SENP6: variants seen among roughly 807,000 people sequenced by gnomAD.
SENP6 encodes sentrin-specific protease 6.
In SENP6, 41 loss-of-function variants were observed where a neutral mutation model predicts 134.5. The observed-to-expected ratio is 0.30, with a 90% CI of 0.24 to 0.40. The LOEUF (loss-of-function observed/expected upper bound fraction) is 0.40, where lower values mean the gene tolerates loss of function less well. Ranked by LOEUF, SENP6 falls within the 10% of genes least tolerant of loss-of-function variation. The pLI is 1.00. For synonymous variants in SENP6, 395 were observed against 429.8 expected (o/e 0.92, Z 1.00); for missense variants, 1,248 against 1,312.5 (o/e 0.95, Z 0.76).
At chr6:75,664,646 G>C (rs1328090788) in intron 9 of SENP6, among the ~76,000 whole-genome samples, 1 of 152,152 alleles carries the variant, frequency 6.6e-6, no homozygotes, top group African/African-American at 2.4e-5. Context: ...TGTTGAAAGA[G>C]AAACCATGCT....
intron 16 of SENP6, among the ~76,000 whole-genome samples, chr6:75,692,376 T>TA (rs1774338877): frequency 1.3e-5 from 2 of 151,968 alleles, no homozygotes; most frequent in South Asian, 4.2e-4. Flanking sequence ...TCCCAGTACT[T>TA]TGGGAGGCCG....
chr6:75,617,304 G>A (rs1474659270), intron 1 of SENP6, among the ~76,000 whole-genome samples: 10 of 83,078 alleles, frequency 1.2e-4, no homozygotes, highest in African/African-American at 4.3e-4. Context: ...ACGGAGTTTC[G>A]CTCTTGTTGC....
intron 7 of SENP6, among the ~76,000 whole-genome samples, chr6:75,649,552 C>G (rs1247892817): frequency 2.0e-5 from 3 of 152,140 alleles, no homozygotes; most frequent in Non-Finnish European, 4.4e-5. Context: ...GGGTCTCACT[C>G]TGTAGCCCAG....
intron 16 of SENP6, among the ~76,000 whole-genome samples, chr6:75,692,108 G>A (rs1461829531): frequency 1.3e-5 from 2 of 151,964 alleles, no homozygotes; most frequent in South Asian, 2.1e-4. Context: ...CGCCTGCCTC[G>A]GCCTCCCAAA....
intron 16 of SENP6, among the ~76,000 whole-genome samples, chr6:75,688,251 A>G (rs1296324020): frequency 6.6e-6 from 1 of 152,182 alleles, no homozygotes; most frequent in Non-Finnish European, 1.5e-5. Context: ...GACCTTGGGA[A>G]AAGCACAGTA....
At chr6:75,645,117 A>G (rs1421840481) in intron 6 of SENP6, among the ~76,000 whole-genome samples, 1 of 152,226 alleles carries the variant, frequency 6.6e-6, no homozygotes, top group Non-Finnish European at 1.5e-5. Context: ...CTCTGAAGCT[A>G]CACAAACGCA....
In SENP6 at chr6:75,634,786, C is replaced by A. The variant is rs1381498086; in HGVS notation, c.433C>A (p.Pro145Thr). Residue 145 changes from proline (P) to threonine (T), a missense_variant, in exon 5 of 24, where the codon CCA (proline) becomes ACA (threonine). Pro to Thr is a conservative substitution (Grantham distance 38). Coordinates refer to ENST00000447266, the MANE Select transcript of SENP6 (RefSeq NM_015571.4). Reference sequence around the variant, plus strand: ...TTTTCATCATGCTCATGCACAGATACCAGTAGTAAAAACAGCAGCCCAAAG... The same window carrying A: ...TTTTCATCATGCTCATGCACAGATAACAGTAGTAAAAACAGCAGCCCAAAG... The part of the protein sequence containing the change: ...RRFHHAHAQI[P>T]VVKTAAQSSL... 3 of 1,601,856 alleles carry A rather than the reference C, an allele frequency of 1.9e-6. No individual in the cohort carries two copies. Among genetic ancestry groups the A allele is most frequent in the African/African-American group, 1.3e-5 (1 of 74,118 alleles).
intron 11 of SENP6, among the ~76,000 whole-genome samples, chr6:75,672,845 T>G (rs2149875027): frequency 6.6e-6 from 1 of 152,328 alleles, no homozygotes; most frequent in South Asian, 2.1e-4. Flanking sequence ...TTTTTTGTTT[T>G]GAGACAGAGT....
At chr6:75,697,666 GAATT>G in intron 18 of SENP6, 149 bp downstream of exon 18, 1 of 575,598 alleles carries the variant, frequency 1.7e-6, no homozygotes, top group East Asian at 2.8e-5. Flanking sequence ...TGTTTTACAA[GAATT>G]AATGCAGTTT....
At position 75,663,388 on chromosome 6, in the gene SENP6, T is replaced by C. The variant is rs1336354526; in HGVS notation, c.864T>C (p.Ile288=). The change falls in exon 9 of 24, where the codon ATT becomes ATC. Residue 288 remains isoleucine (I), a synonymous_variant. Transcript: ENST00000447266. Reference sequence around the variant, plus strand: ...TGGAAAAGGTTCCAATTGATATTATTGTGAATTGTGATGACAGTAAACACA... The same window carrying C: ...TGGAAAAGGTTCCAATTGATATTATCGTGAATTGTGATGACAGTAAACACA... The part of the protein sequence containing the change: ...NNVEKVPIDI[I]VNCDDSKHTY... The C allele has an allele frequency of 1.2e-6, 2 of 1,613,798 alleles. No homozygotes were observed. The highest frequency in any genetic ancestry group is 8.5e-7 in the Non-Finnish European group (1 of 1,179,848).
rs926886231 is a variant in SENP6, at chr6:75,669,118, G to T, written c.1225-1435G>T. 1.5e-4 allele frequency among the ~76,000 whole-genome samples: 23 copies of T among 152,220 alleles called. 1 individual carries two copies. The highest frequency in any genetic ancestry group is 4.1e-4 in the African/African-American group (17 of 41,450). On this transcript the variant is annotated intron_variant, in intron 10 of 23. Transcript: ENST00000447266. ...TAATCCCAGCACTTTCGGAGACTGAGGTGGGCAGATTGCCTGAGGTCAGGA... is the reference window on the plus strand; with the variant it reads ...TAATCCCAGCACTTTCGGAGACTGATGTGGGCAGATTGCCTGAGGTCAGGA...
chr6:75,674,350 T>G (rs1477670456), intron 11 of SENP6, among the ~76,000 whole-genome samples: 1 of 151,900 alleles, frequency 6.6e-6, no homozygotes, highest in Admixed American at 6.6e-5. Context: ...AGATGATGTC[T>G]CACTATTTTT....
In SENP6 at chr6:75,607,191, A is replaced by G. The variant is rs192133666; in HGVS notation, c.52+4615A>G. Among the ~76,000 whole-genome samples the G allele has an allele frequency of 2.0e-3, 311 of 152,258 alleles. 2 individuals carry two copies. The highest frequency in any genetic ancestry group is 3.9e-3 in the Non-Finnish European group (268 of 68,012). On this transcript the variant is annotated intron_variant, in intron 1 of 23. Transcript: ENST00000447266. ...AGTGAGCCCGTGTCTGTACAAAAAC[A>G]TAAAAAAATGATATGGGAGGATTCT...
At chr6:75,619,278 C>T (rs992585217) in intron 1 of SENP6, among the ~76,000 whole-genome samples, 2 of 152,118 alleles carry the variant, frequency 1.3e-5, no homozygotes, top group Non-Finnish European at 2.9e-5. Flanking sequence ...TACTTTCTGT[C>T]TCTATGAATT....
chr6:75,681,883 A>T (rs1773491628), intron 16 of SENP6, among the ~76,000 whole-genome samples: 1 of 152,100 alleles, frequency 6.6e-6, no homozygotes, highest in Non-Finnish European at 1.5e-5. Context: ...ACAAAAATAT[A>T]AAAAACAAGG....
intron 4 of SENP6, among the ~76,000 whole-genome samples, chr6:75,634,060 A>C (rs1033153249): frequency 2.0e-5 from 3 of 152,162 alleles, no homozygotes; most frequent in Non-Finnish European, 4.4e-5. Flanking sequence ...AGGAAATACT[A>C]ATCAGGATTG....
At chr6:75,606,638 G>T (rs1767049438) in intron 1 of SENP6, among the ~76,000 whole-genome samples, 1 of 152,102 alleles carries the variant, frequency 6.6e-6, no homozygotes, top group Admixed American at 6.5e-5. Context: ...TATACAAGTT[G>T]AACATCCCAA....
intron 5 of SENP6, among the ~76,000 whole-genome samples, chr6:75,639,598 T>A (rs1769874082): frequency 6.6e-6 from 1 of 152,136 alleles, no homozygotes; most frequent in Admixed American, 6.6e-5. Flanking sequence ...ATAAATAATA[T>A]TAGACATGAA....
intron 3 of SENP6, among the ~76,000 whole-genome samples, chr6:75,626,083 T>G (rs1768665645): frequency 6.6e-6 from 1 of 152,086 alleles, no homozygotes; most frequent in African/African-American, 2.4e-5. Context: ...TTGAAATTGT[T>G]TATTTCTGTT....
Sources: gnomAD v4.1 joint callset for allele counts (sites outside exome capture counted in the v4.1 genomes callset) on GRCh38, gnomAD v4.1.1 for gene constraint, MANE v1.5 for transcripts, NCBI Gene and HGNC (gene_info 2026-07-23, HGNC 2026-07-21) for gene names.